The following STK39 variants were observed in gnomAD, a reference collection of about 807,000 sequenced individuals.
STK39 encodes serine/threonine kinase 39, also known as STE20/SPS1-related proline-alanine-rich protein kinase.
STK39 carries 20 observed loss-of-function variants against 77.8 expected under a neutral mutation model. The observed-to-expected ratio is 0.26, with a 90% CI of 0.18 to 0.37. STK39 has a LOEUF of 0.37. STK39 is among the 10% of genes least tolerant of loss of function. The pLI, the probability that STK39 is intolerant of heterozygous loss-of-function variation, is 1.00. For synonymous variants in STK39, 246 were observed against 234.1 expected, an observed-to-expected ratio of 1.05 and a Z score of -0.47; for missense variants, 479 against 656.5, an observed-to-expected ratio of 0.73 and a Z score of 2.95.
chr2:167,985,968 G>A (rs138970297), intron 16 of STK39, among the ~76,000 whole-genome samples: 25 of 152,194 alleles, frequency 1.6e-4, no homozygotes, highest in African/African-American at 5.3e-4. Flanking sequence ...AGGAAATTCC[G>A]AATATGCCAA....
intron 10 of STK39, among the ~76,000 whole-genome samples, chr2:168,123,764 G>C (rs951228787): frequency 6.6e-6 from 1 of 151,590 alleles, no homozygotes; most frequent in Admixed American, 6.6e-5. Flanking sequence ...AGCTACTCAG[G>C]AGGCTGAGGC....
chr2:168,085,694 T>C lies in STK39; in HGVS notation c.1090-10463A>G, dbSNP rs1686348364. Among the ~76,000 whole-genome samples the C allele has an allele frequency of 3.3e-5, 5 of 152,136 alleles. No individual in the cohort carries two copies. The South Asian group carries it at 1.0e-3, about 32-fold the overall frequency. On this transcript the variant is annotated intron_variant, in intron 10 of 17. Transcript: ENST00000355999. ...GGCCAGAGCGTAGATAGATAGCAAA[T>C]TGTTTTTTCCAAAGATGCCCATGAC...
At position 167,997,447 on chromosome 2, in the gene STK39, T is replaced by C. The variant is rs371275706; in HGVS notation, c.1498+15187A>G. On this transcript the variant is annotated intron_variant, in intron 16 of 17. Coordinates refer to ENST00000355999, the MANE Select transcript of STK39 (RefSeq NM_013233.3). ...AGTGCCTCCTGGAGGCCAGGCATCC[T>C]GCTAACCCCTTCATGTAATCCAGTA... Among the ~76,000 whole-genome samples, 248 of 152,244 alleles carry C rather than the reference T, an allele frequency of 1.6e-3. 2 individuals are homozygous for C. Among genetic ancestry groups the C allele is most frequent in the African/African-American group, 5.4e-3 (224 of 41,560 alleles).
rs538666757 is a variant in STK39 at position 168,142,804 on chromosome 2, C to T, written c.629-2046G>A. ...CAGAAAACAACAATCCTAATATCTACTCCCTCTATGACTACAGAAGAAATA... is the reference window on the plus strand; with the variant it reads ...CAGAAAACAACAATCCTAATATCTATTCCCTCTATGACTACAGAAGAAATA... On this transcript the variant is annotated intron_variant, in intron 5 of 17. Coordinates refer to ENST00000355999, the MANE Select transcript of STK39 (RefSeq NM_013233.3). 6.6e-5 allele frequency among the ~76,000 whole-genome samples: 10 copies of T among 152,316 alleles called. No individual in the cohort carries two copies. In the South Asian group the frequency reaches 1.9e-3, roughly 28 times the overall value.
At chr2:168,144,494 T>C (rs1688080148) in intron 5 of STK39, among the ~76,000 whole-genome samples, 1 of 151,836 alleles carries the variant, frequency 6.6e-6, no homozygotes, top group African/African-American at 2.4e-5. Flanking sequence ...TTTGTAGATA[T>C]GGGGTCTCTC....
intron 14 of STK39, among the ~76,000 whole-genome samples, chr2:168,056,569 A>G (rs1685532642): frequency 2.0e-5 from 3 of 152,168 alleles, no homozygotes. Flanking sequence ...AGGCTCGGGG[A>G]TAAGAAATGC....
intron 14 of STK39, among the ~76,000 whole-genome samples, chr2:168,045,125 A>G (rs1447856508): frequency 6.6e-6 from 1 of 152,248 alleles, no homozygotes; most frequent in Non-Finnish European, 1.5e-5. Context: ...TGACCAAAAA[A>G]AAGTTATAAA....
intron 1 of STK39, among the ~76,000 whole-genome samples, chr2:168,216,497 A>G (rs1317724106): frequency 6.6e-6 from 1 of 152,166 alleles, no homozygotes; most frequent in East Asian, 1.9e-4. Context: ...CCAAGGCAAA[A>G]GTTGTGTTTG....
At chr2:168,112,127 A>C (rs1687134907) in intron 10 of STK39, among the ~76,000 whole-genome samples, 1 of 152,026 alleles carries the variant, frequency 6.6e-6, no homozygotes, top group Admixed American at 6.6e-5. Context: ...AGAAAAAAAA[A>C]AAAACACTGA....
At chr2:168,049,165 G>C (rs2105364015) in intron 14 of STK39, among the ~76,000 whole-genome samples, 1 of 152,280 alleles carries the variant, frequency 6.6e-6, no homozygotes, top group Non-Finnish European at 1.5e-5. Flanking sequence ...CTCTGAAAGT[G>C]AACTGAAGAA....
chr2:168,243,601 G>A (rs1326052335), intron 1 of STK39, among the ~76,000 whole-genome samples: 6 of 152,306 alleles, frequency 3.9e-5, no homozygotes, highest in Middle Eastern at 3.4e-3. Flanking sequence ...AACTCCTGCT[G>A]AGGCAGGAGT....
chr2:168,214,256 C>CAAAA (rs11445474), intron 1 of STK39, among the ~76,000 whole-genome samples: 2 of 149,592 alleles, frequency 1.3e-5, no homozygotes, highest in African/African-American at 2.4e-5. Flanking sequence ...ACAACAACAA[C>CAAAA]AAAAAAAAAA....
At chr2:168,122,082 C>T (rs936704540) in intron 10 of STK39, among the ~76,000 whole-genome samples, 13 of 152,128 alleles carry the variant, frequency 8.5e-5, no homozygotes, top group South Asian at 6.2e-4. Flanking sequence ...GTTTGTTTTA[C>T]AGGTAAATTA....
chr2:168,013,824 G>T (rs868252197), intron 15 of STK39, among the ~76,000 whole-genome samples: 2 of 80,590 alleles, frequency 2.5e-5, no homozygotes, highest in African/African-American at 6.8e-5. Context: ...GTGTGTGTGT[G>T]TGTGTGTGTG....
At chr2:168,237,708 C>T (rs193082172) in intron 1 of STK39, among the ~76,000 whole-genome samples, 2 of 152,294 alleles carry the variant, frequency 1.3e-5, no homozygotes. Context: ...GTTTCTTCAA[C>T]TTTGGCCATT....
intron 17 of STK39, among the ~76,000 whole-genome samples, chr2:167,960,068 C>A (rs1559033957): frequency 6.6e-6 from 1 of 152,180 alleles, no homozygotes; most frequent in Non-Finnish European, 1.5e-5. Context: ...GTTAAAGACA[C>A]TTTAAAAAAC....
chr2:167,968,511 T>G (rs1692225334), intron 16 of STK39, among the ~76,000 whole-genome samples: 1 of 152,252 alleles, frequency 6.6e-6, no homozygotes, highest in Admixed American at 6.5e-5. Context: ...GTTAATTCAC[T>G]TAATTCTAGC....
chr2:168,074,902 T>A (rs1559084505), intron 12 of STK39, 80 bp downstream of exon 12: 7 of 1,503,588 alleles, frequency 4.7e-6, no homozygotes, highest in Non-Finnish European at 5.4e-6. Flanking sequence ...TTTTGAAGCA[T>A]CTCCCCTAAA....
At chr2:168,110,477 A>T (rs1687093045) in intron 10 of STK39, among the ~76,000 whole-genome samples, 1 of 152,082 alleles carries the variant, frequency 6.6e-6, no homozygotes. Context: ...GCCTCAAGAG[A>T]TCCTCCTGCC....
Sources: gnomAD v4.1 joint callset for allele counts (sites outside exome capture counted in the v4.1 genomes callset) on GRCh38, gnomAD v4.1.1 for gene constraint, MANE v1.5 for transcripts, NCBI Gene and HGNC (gene_info 2026-07-23, HGNC 2026-07-21) for gene names.